Variants in ZNRF1 observed in about 807,000 individuals in gnomAD.
The protein encoded by ZNRF1 is zinc and ring finger 1.
Under a neutral mutation model 18.4 loss-of-function variants are expected in ZNRF1, and 3 were observed. The ratio of observed to expected loss-of-function variants is 0.16; its 90% CI spans 0.07 to 0.42. ZNRF1 has a LOEUF of 0.42. ZNRF1 is among the 10% of genes least tolerant of loss of function. The probability of loss-of-function intolerance (pLI) is 0.99; values close to 1 mark genes in which losing one functional copy is unlikely to be tolerated. For missense variants in ZNRF1, 310 were observed against 329.8 expected (o/e 0.94, Z 0.47); for synonymous variants, 157 against 144.2 (o/e 1.09, Z -0.64).
Position 75,100,231 on chromosome 16 carries a change from G to T in ZNRF1, c.521-4553G>T, listed in dbSNP as rs185586725. ...TCTTCCCACCAGTGCAGCAGACTCA[G>T]GCCAGCTGGTAAAGGCACAACACTG... On this transcript the variant is annotated intron_variant, in intron 2 of 4. Transcript: ENST00000335325. Among the ~76,000 whole-genome samples the T allele has an allele frequency of 1.8e-4, 27 of 152,340 alleles. No individual in the cohort carries two copies. In the East Asian group the frequency reaches 3.5e-3, roughly 20 times the overall value.
rs552552349 is a variant in ZNRF1 at position 75,022,156 on chromosome 16, G to A, written c.424+22061G>A. On this transcript the variant is annotated intron_variant, in intron 1 of 4. Coordinates refer to ENST00000335325, the MANE Select transcript of ZNRF1 (RefSeq NM_032268.5). ...TGTAATCCCAGCTACTTGGGAGGCT[G>A]AGGCAGGAGAATCACTTGGACCCAG... is the stretch of plus-strand genomic sequence containing the variant. 3.9e-5 allele frequency among the ~76,000 whole-genome samples: 6 copies of A among 152,300 alleles called. No homozygotes were observed. In the East Asian group the frequency reaches 1.2e-3, roughly 29 times the overall value.
chr16:75,051,252 G>C (rs1185630155), intron 1 of ZNRF1, among the ~76,000 whole-genome samples: 1 of 151,954 alleles, frequency 6.6e-6, no homozygotes, highest in Non-Finnish European at 1.5e-5. Flanking sequence ...CTGTCGCCTA[G>C]TCTGGAGTGC....
intron 1 of ZNRF1, among the ~76,000 whole-genome samples, chr16:75,043,160 C>T (rs576960473): frequency 6.6e-6 from 1 of 152,304 alleles, no homozygotes; most frequent in African/African-American, 2.4e-5. Flanking sequence ...TGTTTTAAAG[C>T]CGTATTTATA....
At chr16:75,051,991 T>C (rs987620658) in intron 1 of ZNRF1, among the ~76,000 whole-genome samples, 1 of 152,246 alleles carries the variant, frequency 6.6e-6, no homozygotes, top group Non-Finnish European at 1.5e-5. Context: ...AGTATTTCTT[T>C]ATAGCTTTTC....
chr16:75,029,708 G>T (rs1359426084), intron 1 of ZNRF1, among the ~76,000 whole-genome samples: 3 of 152,096 alleles, frequency 2.0e-5, no homozygotes, highest in Non-Finnish European at 4.4e-5. Flanking sequence ...GGCGGAGGTT[G>T]CAGTGAGCCA....
intron 2 of ZNRF1, among the ~76,000 whole-genome samples, chr16:75,096,061 C>CGTGTGTGTGTGTGTGA (rs2036195684): frequency 1.4e-5 from 2 of 139,750 alleles, no homozygotes; most frequent in Non-Finnish European, 1.6e-5. Flanking sequence ...TATGTGTGCA[C>CGTGTGTGTGTGTGTGA]GTGTGTGTGT....
chr16:75,045,511 A>T (rs1328753696), intron 1 of ZNRF1, among the ~76,000 whole-genome samples: 1 of 151,972 alleles, frequency 6.6e-6, no homozygotes, highest in Non-Finnish European at 1.5e-5. Context: ...AGATGCTATG[A>T]CAGTGTCAAT....
At chr16:75,056,541 A>G (rs1165839445) in intron 1 of ZNRF1, among the ~76,000 whole-genome samples, 1 of 152,248 alleles carries the variant, frequency 6.6e-6, no homozygotes, top group African/African-American at 2.4e-5. Flanking sequence ...AAAAATACTG[A>G]AGATACAGAT....
At chr16:75,024,027 C>T (rs1360573268) in intron 1 of ZNRF1, among the ~76,000 whole-genome samples, 1 of 151,830 alleles carries the variant, frequency 6.6e-6, no homozygotes, top group Non-Finnish European at 1.5e-5. Flanking sequence ...CGTGCCACCA[C>T]ACCTGGCTAA....
At position 75,110,810 on chromosome 16, in the gene ZNRF1, G is replaced by C. The variant is rs1465127945; in HGVS notation, c.*3110G>C. ...CGCAGCTGCTGCAGGATTCTCGCCTGGAAGAGTGGGTGGCTGGCTGGCTGG... is the reference window on the plus strand; with the variant it reads ...CGCAGCTGCTGCAGGATTCTCGCCTCGAAGAGTGGGTGGCTGGCTGGCTGG... On this transcript the variant is annotated 3_prime_UTR_variant, in exon 5 of 5. Coordinates refer to ENST00000335325, the MANE Select transcript of ZNRF1 (RefSeq NM_032268.5). 6.6e-6 allele frequency: 1 copy of C among 152,380 alleles called. No individual in the cohort carries two copies. The highest frequency in any genetic ancestry group is 1.5e-5 in the Non-Finnish European group (1 of 68,218). The allele number at this position is 152,380 out of a possible 1,614,324, so 9.4% of individuals were successfully genotyped here.
chr16:75,036,301 T>C (rs1388806069), intron 1 of ZNRF1, among the ~76,000 whole-genome samples: 1 of 152,174 alleles, frequency 6.6e-6, no homozygotes, highest in African/African-American at 2.4e-5. Flanking sequence ...GGCTAATTTT[T>C]GTATTTTTTA....
intron 1 of ZNRF1, among the ~76,000 whole-genome samples, chr16:75,060,048 G>A (rs1013806482): frequency 6.6e-6 from 1 of 151,944 alleles, no homozygotes; most frequent in Admixed American, 6.6e-5. Flanking sequence ...AAGGTGAAGT[G>A]ACAGTTTTCT....
chr16:75,079,569 T>C (rs537814915), intron 1 of ZNRF1, among the ~76,000 whole-genome samples: 1 of 152,278 alleles, frequency 6.6e-6, no homozygotes, highest in African/African-American at 2.4e-5. Context: ...GTGGTCACCA[T>C]AGCCCTGGGT....
chr16:75,012,237 T>C (rs932815377), intron 1 of ZNRF1, among the ~76,000 whole-genome samples: 1 of 152,230 alleles, frequency 6.6e-6, no homozygotes, highest in African/African-American at 2.4e-5. Context: ...ATTGCTGCAG[T>C]AGCATGACCA....
intron 1 of ZNRF1, among the ~76,000 whole-genome samples, chr16:75,067,138 T>C (rs2035815391): frequency 6.6e-6 from 1 of 152,230 alleles, no homozygotes; most frequent in South Asian, 2.1e-4. Flanking sequence ...TGTTTATGTG[T>C]ACATTTTCCA....
chr16:75,010,962 GC>G (rs2034992646), intron 1 of ZNRF1, among the ~76,000 whole-genome samples: 1 of 152,152 alleles, frequency 6.6e-6, no homozygotes, highest in Admixed American at 6.5e-5. Flanking sequence ...GCCCACCTTG[GC>G]CTCCCAGAGT....
intron 1 of ZNRF1, among the ~76,000 whole-genome samples, chr16:75,067,691 C>T (rs1330903752): frequency 6.6e-6 from 1 of 152,046 alleles, no homozygotes; most frequent in Non-Finnish European, 1.5e-5. Flanking sequence ...AAAGGGGCAC[C>T]ATGAATCAAT....
intron 2 of ZNRF1, among the ~76,000 whole-genome samples, chr16:75,102,538 T>C (rs912538172): frequency 6.6e-6 from 1 of 152,244 alleles, no homozygotes; most frequent in Admixed American, 6.5e-5. Context: ...ATATTTCTCC[T>C]GTGGCTTGGA....
chr16:75,023,821 T>C (rs1417713839), intron 1 of ZNRF1, among the ~76,000 whole-genome samples: 1 of 152,098 alleles, frequency 6.6e-6, no homozygotes. Context: ...TACCTCACTG[T>C]TTATTATGGA....
Sources: allele counts gnomAD v4.1 joint callset (sites outside exome capture counted in the v4.1 genomes callset), GRCh38; gene constraint gnomAD v4.1.1; transcripts MANE v1.5; gene names NCBI Gene and HGNC (gene_info 2026-07-23, HGNC 2026-07-21).